The following ANXA2 variants were observed in gnomAD, a reference collection of about 807,000 sequenced individuals.
The protein encoded by ANXA2 is annexin II.
ANXA2 carries 28 observed loss-of-function variants against 47.3 expected under a neutral mutation model. That is an observed-to-expected ratio of 0.59 (90% CI 0.44 to 0.81). The LOEUF (loss-of-function observed/expected upper bound fraction) is 0.81, where lower values mean the gene tolerates loss of function less well. ANXA2 is among the 40% of genes least tolerant of loss of function. The pLI is 0.00. For synonymous variants in ANXA2, 172 were observed against 155.5 expected, an observed-to-expected ratio of 1.11 and a Z score of -0.79; for missense variants, 384 against 414.3, an observed-to-expected ratio of 0.93 and a Z score of 0.64.
chr15:60,384,721 C>T (rs985767066), intron 2 of ANXA2: 4 of 152,254 alleles, frequency 2.6e-5, no homozygotes, highest in Non-Finnish European at 1.5e-5. Context: ...AGGCTTTATA[C>T]TCCATACAAC....
intron 3 of ANXA2, among the ~76,000 whole-genome samples, chr15:60,377,555 A>G (rs1887712038): frequency 1.3e-5 from 2 of 152,212 alleles, no homozygotes; most frequent in East Asian, 1.9e-4. Flanking sequence ...AATGCATATA[A>G]AAGTGTGATT....
chr15:60,393,203 C>G (rs1335568236), intron 1 of ANXA2: 1 of 1,167,128 alleles, frequency 8.6e-7, no homozygotes, highest in Non-Finnish European at 1.1e-6. Flanking sequence ...CTTCTGTGGC[C>G]TGATCTGAAT....
In ANXA2 at chr15:60,395,212, T is replaced by G. The variant is rs1211961679; in HGVS notation, c.-12+2731A>C. On this transcript the variant is annotated intron_variant, in intron 1 of 12. Transcript: ENST00000451270. ...AAAGTTTAAAATCCAACAATTCACT[T>G]ATTTTGTCTCTTTTCCTTCTCTCTC... Among the ~76,000 whole-genome samples the G allele has an allele frequency of 2.0e-5, 3 of 152,318 alleles. No individual in the cohort carries two copies. In the East Asian group the frequency reaches 5.8e-4, roughly 29 times the overall value.
intron 3 of ANXA2, among the ~76,000 whole-genome samples, chr15:60,377,768 G>T (rs1336497768): frequency 6.6e-6 from 1 of 152,112 alleles, no homozygotes; most frequent in African/African-American, 2.4e-5. Context: ...CATTGCTAAT[G>T]CCTTTTATTT....
chr15:60,388,972 A>C (rs1417942208), intron 1 of ANXA2, among the ~76,000 whole-genome samples: 1 of 151,944 alleles, frequency 6.6e-6, no homozygotes, highest in Non-Finnish European at 1.5e-5. Context: ...TTGACAGAGC[A>C]AGAAATCTCT....
chr15:60,368,083 T>C (rs1183921563), intron 3 of ANXA2, among the ~76,000 whole-genome samples: 23 of 137,612 alleles, frequency 1.7e-4, no homozygotes. Context: ...CGGTGCAAGA[T>C]GTGCTTTGTT....
Position 60,352,083 on chromosome 15 carries a change from G to A in ANXA2, c.683-264C>T, listed in dbSNP as rs189969941. 4.6e-5 allele frequency among the ~76,000 whole-genome samples: 7 copies of A among 152,192 alleles called. No homozygotes were observed. The highest frequency in any genetic ancestry group is 1.9e-4 in the East Asian group (1 of 5,188). ...CCCCTGAGTGGAACCCATTCCATCCGAAAACCATAGGAAACAGTACAGAGC... is the reference window on the plus strand; with the variant it reads ...CCCCTGAGTGGAACCCATTCCATCCAAAAACCATAGGAAACAGTACAGAGC... On this transcript the variant is annotated intron_variant, in intron 9 of 12. Transcript: ENST00000451270. The surrounding 1 kb of genome is among the most constrained non-coding windows in gnomAD (Gnocchi z 4.2).
intron 6 of ANXA2, 71 bp from the exon 7 acceptor site, chr15:60,356,069 T>C (rs2062425705): frequency 8.4e-7 from 1 of 1,184,898 alleles, no homozygotes; most frequent in Non-Finnish European, 1.3e-6. Context: ...ATCTCCCCAT[T>C]TCCCACTAAG....
At chr15:60,393,667 G>T in intron 1 of ANXA2, 1 of 985,422 alleles carries the variant, frequency 1.0e-6, no homozygotes, top group African/African-American at 1.7e-5. Context: ...TTAGGATACA[G>T]GAAATCATAA....
intron 1 of ANXA2, among the ~76,000 whole-genome samples, chr15:60,389,477 A>G (rs993621933): frequency 1.3e-5 from 2 of 152,236 alleles, no homozygotes; most frequent in African/African-American, 4.8e-5. Flanking sequence ...AGTACTGTGC[A>G]GATCAAAGAC....
chr15:60,397,564 C>G (rs887285430), intron 1 of ANXA2, among the ~76,000 whole-genome samples: 2 of 152,102 alleles, frequency 1.3e-5, no homozygotes, highest in Admixed American at 1.3e-4. Context: ...CGGGGACCTG[C>G]GGCTCCCTGG....
chr15:60,389,345 C>A (rs906212405), intron 1 of ANXA2, among the ~76,000 whole-genome samples: 1 of 152,106 alleles, frequency 6.6e-6, no homozygotes, highest in Admixed American at 6.5e-5. Flanking sequence ...ACATTGGTTC[C>A]GATGTTTAGA....
chr15:60,383,406 G>A (rs1040979717), intron 2 of ANXA2: 2 of 152,344 alleles, frequency 1.3e-5, no homozygotes, highest in Non-Finnish European at 2.9e-5. Flanking sequence ...TGGGATTACA[G>A]GCGTGGTGGC....
At chr15:60,375,884 A>G (rs560264819) in intron 3 of ANXA2, among the ~76,000 whole-genome samples, 75 of 152,314 alleles carry the variant, frequency 4.9e-4, no homozygotes, top group African/African-American at 1.7e-3. Flanking sequence ...CTTCTCAGAG[A>G]AAGCTTGTTG....
rs2063045337 is a variant in ANXA2 at position 60,393,766 on chromosome 15, C to CCACAG, written c.-12+4176_-12+4177insCTGTG. The CCACAG allele has an allele frequency of 2.2e-4, 189 of 872,718 alleles. 3 individuals are homozygous for CCACAG. The South Asian group carries it at 8.8e-3, about 41-fold the overall frequency. 54.1% of individuals were successfully genotyped at this position (872,718 alleles called of 1,614,324 possible). Reference sequence around the variant, plus strand: ...AACATTAGAGTTACATGTGTAAAGTCTGTCTTCCGTATTATCCGCCCACAG... The same window carrying CCACAG: ...AACATTAGAGTTACATGTGTAAAGTCCACAGTGTCTTCCGTATTATCCGCCCACAG... On this transcript the variant is annotated intron_variant, in intron 1 of 12. Coordinates refer to ENST00000451270, the MANE Select transcript of ANXA2 (RefSeq NM_004039.3).
intron 10 of ANXA2, chr15:60,351,520 A>ACTC (rs1245998755): frequency 1.6e-5 from 10 of 618,172 alleles, no homozygotes; most frequent in Non-Finnish European, 2.3e-5. Flanking sequence ...CTGTTCTCTT[A>ACTC]CTCCTCCCTG....
chr15:60,354,758 G>C (rs920221899), intron 7 of ANXA2, among the ~76,000 whole-genome samples: 5 of 152,062 alleles, frequency 3.3e-5, no homozygotes, highest in African/African-American at 1.2e-4. Context: ...ACCCAGTCCT[G>C]GCCTACACAC....
intron 3 of ANXA2, among the ~76,000 whole-genome samples, chr15:60,379,081 C>A (rs1424358049): frequency 6.6e-6 from 1 of 151,642 alleles, no homozygotes; most frequent in African/African-American, 2.4e-5. Context: ...GAGTTCAAGA[C>A]CAGCCTGCCC....
chr15:60,382,429 G>C lies in ANXA2; in HGVS notation c.61C>G (p.Pro21Ala), dbSNP rs773138183. 2.3e-5 allele frequency: 37 copies of C among 1,612,640 alleles called. No homozygotes were observed. Among genetic ancestry groups the C allele is most frequent in the Non-Finnish European group, 3.0e-5 (35 of 1,178,980 alleles). The part of the protein sequence containing the change: ...LSLEGDHSTP[P>A]SAYGSVKAYT... ...GCTTTGACAGACCCATATGCACTTG[G>C]GGGTGTAGAGTGCTGAGGTTAAAAG... Residue 21 changes from proline to alanine, a missense_variant, in exon 3 of 13, where the codon CCA (proline) becomes GCA (alanine). Coordinates refer to ENST00000451270, the MANE Select transcript of ANXA2 (RefSeq NM_004039.3).
Sources: allele counts gnomAD v4.1 joint callset (sites outside exome capture counted in the v4.1 genomes callset), GRCh38; gene constraint gnomAD v4.1.1; non-coding constraint Gnocchi (gnomAD v3.1); transcripts MANE v1.5; gene names NCBI Gene and HGNC (gene_info 2026-07-23, HGNC 2026-07-21).